Variants in FLNB observed in about 807,000 individuals in gnomAD.
The protein encoded by FLNB is filamin B.
In FLNB, 111 loss-of-function variants were observed where a neutral mutation model predicts 250.6. That is an observed-to-expected ratio of 0.44 (90% CI 0.38 to 0.52). The LOEUF (loss-of-function observed/expected upper bound fraction) is 0.52. Ranked by LOEUF, FLNB falls within the 20% of genes least tolerant of loss-of-function variation. FLNB has a pLI of 0.00. For missense variants in FLNB, 2,869 were observed against 3,447.8 expected (o/e 0.83, Z 4.20); for synonymous variants, 1,302 against 1,372.1 (o/e 0.95, Z 1.13).
At chr3:58,065,198 C>T (rs757594826) in intron 1 of FLNB, among the ~76,000 whole-genome samples, 3 of 152,198 alleles carry the variant, frequency 2.0e-5, no homozygotes, top group South Asian at 2.1e-4. Context: ...GCCTCGGCAG[C>T]GCAGGCATCA....
rs753579997 is a variant in FLNB at position 58,118,855 on chromosome 3, T to C, written c.2746-17T>C. The C allele has an allele frequency of 6.2e-7, 1 of 1,604,826 alleles. No individual in the cohort carries two copies. Among genetic ancestry groups the C allele is most frequent in the East Asian group, 2.2e-5 (1 of 44,834 alleles). On this transcript the variant is annotated splice_polypyrimidine_tract_variant and intron_variant, in intron 18 of 45. Coordinates refer to ENST00000295956, the MANE Select transcript of FLNB (RefSeq NM_001457.4). ...TTTGGTACCCAAAGGTAAACTGAGT[T>C]TTCTCTCTTGTTCCAGGGCAACATG...
intron 1 of FLNB, among the ~76,000 whole-genome samples, chr3:58,021,806 GCT>G (rs1386373697): frequency 1.3e-5 from 2 of 151,754 alleles, no homozygotes; most frequent in Non-Finnish European, 2.9e-5. Context: ...ATAGAGTCTT[GCT>G]CTGTCACCCA....
At chr3:58,162,253 G>A (rs2097363031) in intron 42 of FLNB, among the ~76,000 whole-genome samples, 1 of 152,172 alleles carries the variant, frequency 6.6e-6, no homozygotes, top group Admixed American at 6.5e-5. Context: ...ACCAGGGAGA[G>A]ACCGAGAGAC....
intron 20 of FLNB, 111 bp downstream of exon 20, chr3:58,121,614 AAGTT>A (rs2097288891): frequency 3.6e-6 from 5 of 1,391,528 alleles, no homozygotes; most frequent in African/African-American, 1.4e-5. Context: ...TTTGTGATGA[AAGTT>A]AGCACAATTC....
At chr3:58,023,973 G>A (rs531138197) in intron 1 of FLNB, among the ~76,000 whole-genome samples, 15 of 152,326 alleles carry the variant, frequency 9.8e-5, no homozygotes, top group African/African-American at 3.6e-4. Context: ...TGTTTCAGAT[G>A]TGAGCCTGAC....
Position 58,077,961 on chromosome 3 carries a change from A to T in FLNB, c.541+667A>T, listed in dbSNP as rs542566723. Among the ~76,000 whole-genome samples the T allele has an allele frequency of 3.9e-5, 6 of 152,072 alleles. No homozygotes were observed. The East Asian group carries it at 1.2e-3, about 29-fold the overall frequency. ...AGTTTACACACACCCCCTAAAGTTG[A>T]TTTTAATAAAAAAAAAAGGTATTAA... is the stretch of plus-strand genomic sequence containing the variant. On this transcript the variant is annotated intron_variant, in intron 2 of 45. Transcript: ENST00000295956.
chr3:58,118,174 G>C (rs1378120687), intron 18 of FLNB, among the ~76,000 whole-genome samples: 1 of 152,226 alleles, frequency 6.6e-6, no homozygotes, highest in Non-Finnish European at 1.5e-5. Context: ...CACCCGTGAG[G>C]GTGCCTGCCA....
Position 58,124,021 on chromosome 3 carries a change from T to A in FLNB, c.3725-311T>A, listed in dbSNP as rs4681800. 0.43 allele frequency among the ~76,000 whole-genome samples: 65,381 copies of A among 152,090 alleles called. 17,769 individuals carry two copies. Among genetic ancestry groups the A allele is most frequent in the East Asian group, 0.97 (5,030 of 5,172 alleles). The stretch of plus-strand genomic sequence containing the variant: ...ACTCAACATACAACATGTTGGCATT[T>A]AATTGGAAAAAAGTTTAAAATGTAG... On this transcript the variant is annotated intron_variant, in intron 21 of 45. Coordinates refer to ENST00000295956, the MANE Select transcript of FLNB (RefSeq NM_001457.4).
chr3:58,114,125 G>GT (rs2097273821), intron 18 of FLNB, among the ~76,000 whole-genome samples: 1 of 151,862 alleles, frequency 6.6e-6, no homozygotes, highest in Admixed American at 6.6e-5. Context: ...TTTTTTGTTT[G>GT]TTTTTTCTTG....
intron 20 of FLNB, 85 bp downstream of exon 20, chr3:58,121,588 A>T: frequency 6.4e-7 from 1 of 1,560,084 alleles, no homozygotes; most frequent in Non-Finnish European, 8.8e-7. Flanking sequence ...CCTGGCAAAG[A>T]CCTTCTGAAA....
chr3:58,109,460 G>T (rs1003083873), intron 14 of FLNB, 116 bp from the exon 15 acceptor site: 1 of 1,597,722 alleles, frequency 6.3e-7, no homozygotes, highest in Non-Finnish European at 8.6e-7. Context: ...GGAGGGGCCC[G>T]AAGGGCAGAG....
At chr3:58,100,373 A>AAAAAAAAATATATATATATATATAT in intron 8 of FLNB, among the ~76,000 whole-genome samples, 60 of 104,332 alleles carry the variant, frequency 5.8e-4, no homozygotes, top group East Asian at 1.4e-3. Context: ...GTAAAAAAAA[A>AAAAAAAAATATATATATATATATAT]ATATATATAT....
At chr3:58,148,895 C>T (rs529998687) in intron 36 of FLNB, 43 bp downstream of exon 36, 57 of 1,563,506 alleles carry the variant, frequency 3.6e-5, no homozygotes, top group African/African-American at 3.5e-4. Flanking sequence ...TTGTGGGAAC[C>T]GACTTATTTT....
intron 4 of FLNB, among the ~76,000 whole-genome samples, chr3:58,083,262 G>A (rs1156827676): frequency 7.6e-6 from 1 of 131,530 alleles, no homozygotes; most frequent in Non-Finnish European, 1.6e-5. Flanking sequence ...TTTTTTAAAT[G>A]ACACTGACTT....
chr3:58,046,454 TG>T (rs2097154341), intron 1 of FLNB, among the ~76,000 whole-genome samples: 1 of 131,006 alleles, frequency 7.6e-6, no homozygotes, highest in African/African-American at 2.8e-5. Context: ...ATTTTAGAAT[TG>T]TTTTTTTTTT....
chr3:58,139,342 T>G (rs1373464947), intron 29 of FLNB, among the ~76,000 whole-genome samples: 2 of 152,228 alleles, frequency 1.3e-5, no homozygotes, highest in Non-Finnish European at 2.9e-5. Flanking sequence ...TCCTCACTGG[T>G]GTCCTTTGAT....
chr3:58,069,126 G>A (rs1008304568), intron 1 of FLNB, among the ~76,000 whole-genome samples: 5 of 146,314 alleles, frequency 3.4e-5, no homozygotes, highest in South Asian at 2.2e-4. Context: ...CTGGATGACC[G>A]AGACCCTGTC....
rs1415826519 is a variant in FLNB, at chr3:58,098,056, G to A, written c.1147+79G>A. 4 of 1,435,654 alleles carry A rather than the reference G, an allele frequency of 2.8e-6. 1 individual carries two copies. The South Asian group carries it at 3.5e-5, about 12-fold the overall frequency. 88.9% of individuals were successfully genotyped at this position (1,435,654 alleles called of 1,614,324 possible). A position where few individuals can be genotyped will look rare whatever the true frequency, so the allele number is the denominator to read the frequency against. On this transcript the variant is annotated intron_variant, in intron 7 of 45. Transcript: ENST00000295956. ...AAATATAATCCTCGGGGACTTGAAG[G>A]CCTGACCTTTTGTCTTTTAAATCAA...
chr3:58,103,903 A>C, intron 9 of FLNB, 56 bp from the exon 10 acceptor site: 1,818 of 1,114,492 alleles, frequency 1.6e-3, no homozygotes, highest in Non-Finnish European at 2.2e-3. Context: ...TGTCCTTTTG[A>C]TTCTCATTTT....
Sources: gnomAD v4.1 joint callset for allele counts (sites outside exome capture counted in the v4.1 genomes callset) on GRCh38, gnomAD v4.1.1 for gene constraint, MANE v1.5 for transcripts, NCBI Gene and HGNC (gene_info 2026-07-23, HGNC 2026-07-21) for gene names.